CFL1: variants seen among roughly 807,000 people sequenced by gnomAD.
CFL1 encodes the protein cofilin-1.
A neutral mutation model predicts 16.3 loss-of-function variants in CFL1; 2 were observed. The observed-to-expected ratio is 0.12, with a 90% CI of 0.05 to 0.39. The LOEUF (loss-of-function observed/expected upper bound fraction) is 0.39, where lower values mean the gene tolerates loss of function less well. Ranked by LOEUF, CFL1 falls within the 10% of genes least tolerant of loss-of-function variation. CFL1 has a pLI of 0.99. For missense variants in CFL1, 75 were observed against 212.2 expected (o/e 0.35, Z 4.02); for synonymous variants, 111 against 84.4 (o/e 1.31, Z -1.73).
chr11:65,856,471 G>A lies in CFL1; in HGVS notation c.4-229C>T, dbSNP rs963880025. The A allele has an allele frequency of 5.7e-6, 3 of 521,884 alleles. No individual in the cohort carries two copies. In the South Asian group the frequency reaches 7.1e-5, roughly 12 times the overall value. The allele number at this position is 521,884 out of a possible 1,614,324, so 32.3% of individuals were successfully genotyped here. A position where few individuals can be genotyped will look rare whatever the true frequency, so the allele number is the denominator to read the frequency against. ...AACAACCCCTTCCCTCATTTTACAG[G>A]ATAGAAATGCAAAACTCGTGAAAAG... On this transcript the variant is annotated intron_variant, in intron 1 of 3. Coordinates refer to ENST00000308162, the MANE Select transcript of CFL1 (RefSeq NM_005507.3).
chr11:65,855,812 G>A, intron 2 of CFL1, 82 bp from the exon 3 acceptor site: 3 of 1,504,418 alleles, frequency 2.0e-6, no homozygotes. Flanking sequence ...CTGGCAGTGA[G>A]GAGTCTTTTG....
In CFL1 at chr11:65,855,648, C is replaced by T; in HGVS notation, c.388+6G>A. The T allele has an allele frequency of 6.4e-7, 1 of 1,566,290 alleles. No homozygotes were observed. Among genetic ancestry groups the T allele is most frequent in the South Asian group, 1.2e-5 (1 of 82,872 alleles). On this transcript the variant is annotated splice_donor_region_variant and intron_variant, in intron 3 of 3. Transcript: ENST00000308162. The stretch of plus-strand genomic sequence containing the variant: ...AAGGGCACTCAGCACCAATGCTGGC[C>T]CTTACCTGTCAGCTTCTTCTTGATG...
In CFL1 at chr11:65,855,423, G is replaced by A. The variant is rs1859367095; in HGVS notation, c.414C>T (p.Asn138=). ...AGCGGTCCTTGACCTCCTCGTAGCA[G>A]TTTGCTTGCAATTCATGCTTGATCC... ...LTGIKHELQA[N]CYEEVKDRCT... is the part of the protein sequence containing the mutation. Residue 138 remains asparagine, a synonymous_variant, in exon 4 of 4, where the codon AAC becomes AAT. Transcript: ENST00000308162. 2.5e-6 allele frequency: 4 copies of A among 1,613,412 alleles called. No homozygotes were observed. Among genetic ancestry groups the A allele is most frequent in the African/African-American group, 1.3e-5 (1 of 74,888 alleles).
In CFL1 at chr11:65,855,217, T is replaced by C. The variant is rs1436525977; in HGVS notation, c.*119A>G. The stretch of plus-strand genomic sequence containing the variant: ...TGTTTGGCAACTGGGGTGAAGGGAT[T>C]GCCCTCCCCCTGCTGGGATCCCCCC... On this transcript the variant is annotated 3_prime_UTR_variant, in exon 4 of 4. Transcript: ENST00000308162. The C allele has an allele frequency of 6.6e-6, 5 of 754,990 alleles. No homozygotes were observed. The highest frequency in any genetic ancestry group is 2.4e-5 in the Admixed American group (1 of 42,014). 46.8% of individuals were successfully genotyped at this position (754,990 alleles called of 1,614,324 possible). A position where few individuals can be genotyped will look rare whatever the true frequency, so the allele number is the denominator to read the frequency against.
In CFL1 at chr11:65,855,236, T is replaced by G. The variant is rs1270874524; in HGVS notation, c.*100A>C. The G allele has an allele frequency of 2.1e-6, 2 of 941,072 alleles. No individual in the cohort carries two copies. Among genetic ancestry groups the G allele is most frequent in the African/African-American group, 3.3e-5 (2 of 60,812 alleles). 58.3% of individuals were successfully genotyped at this position (941,072 alleles called of 1,614,324 possible). ...AGGGATTGCCCTCCCCCTGCTGGGATCCCCCCAGCCCCTCCGGTCTGGCAG... is the reference window on the plus strand; with the variant it reads ...AGGGATTGCCCTCCCCCTGCTGGGAGCCCCCCAGCCCCTCCGGTCTGGCAG... On this transcript the variant is annotated 3_prime_UTR_variant, in exon 4 of 4. Transcript: ENST00000308162.
At chr11:65,857,361 CG>C in intron 1 of CFL1, 1 of 383,538 alleles carries the variant, frequency 2.6e-6, no homozygotes, top group Middle Eastern at 4.5e-4. Context: ...GCTTCGGCAC[CG>C]GCGGCCGGGC....
chr11:65,856,063 G>C lies in CFL1; in HGVS notation c.183C>G (p.Gly61=), dbSNP rs1859380074. Residue 61 remains glycine (G), a synonymous_variant, in exon 2 of 4, where the codon GGC becomes GGG. Transcript: ENST00000308162. ...TGGCGTAGGGGTCGTCGACAGTCTG[G>C]CCCACATCGCCCACCAGGATCTCCT... ...EGKEILVGDV[G]QTVDDPYATF... 1 of 1,613,972 alleles carries C rather than the reference G, an allele frequency of 6.2e-7. No individual in the cohort carries two copies.
In CFL1 at chr11:65,855,859, G is replaced by A. The variant is rs562409658; in HGVS notation, c.311+76C>T. Reference sequence around the variant, plus strand: ...TCCCCCTCCAAACCCACACATCTGGGTTGACCAGGAGCCACAGAAGTTCCC... The same window carrying A: ...TCCCCCTCCAAACCCACACATCTGGATTGACCAGGAGCCACAGAAGTTCCC... On this transcript the variant is annotated intron_variant, in intron 2 of 3. Coordinates refer to ENST00000308162, the MANE Select transcript of CFL1 (RefSeq NM_005507.3). 274 of 1,549,190 alleles carry A rather than the reference G, an allele frequency of 1.8e-4. 2 individuals carry two copies. In the South Asian group the frequency reaches 2.0e-3, roughly 11 times the overall value.
Position 65,857,467 on chromosome 11 carries a change from G to C in CFL1, c.3+630C>G, listed in dbSNP as rs1473018793. The C allele has an allele frequency of 2.0e-5, 8 of 405,384 alleles. No individual in the cohort carries two copies. In the Admixed American group the frequency reaches 2.0e-4, roughly 10 times the overall value. The allele number at this position is 405,384 out of a possible 1,614,324, so 25.1% of individuals were successfully genotyped here. ...AGCTCGTTAGATGCGCTCCCGAACG[G>C]GCCGCGGTCTCTGCGATGCCCCCTC... is the stretch of plus-strand genomic sequence containing the variant. On this transcript the variant is annotated intron_variant, in intron 1 of 3. Coordinates refer to ENST00000308162, the MANE Select transcript of CFL1 (RefSeq NM_005507.3).
Position 65,855,429 on chromosome 11 carries a change from T to C in CFL1, c.408A>G (p.Gln136=), listed in dbSNP as rs756543435. The part of the protein sequence containing the change: ...KKLTGIKHEL[Q]ANCYEEVKDR... ...CCTTGACCTCCTCGTAGCAGTTTGC[T>C]TGCAATTCATGCTTGATCCCTATAA... The change falls in exon 4 of 4, where the codon CAA becomes CAG. Residue 136 remains glutamine, a synonymous_variant. Coordinates refer to ENST00000308162, the MANE Select transcript of CFL1 (RefSeq NM_005507.3). 84 of 1,613,500 alleles carry C rather than the reference T, an allele frequency of 5.2e-5. No individual in the cohort carries two copies. The highest frequency in any genetic ancestry group is 2.5e-4 in the Admixed American group (15 of 60,020).
Position 65,855,288 on chromosome 11 carries a change from G to A in CFL1, c.*48C>T, listed in dbSNP as rs1439434358. ...AAGGGGGCAGCCTGCAACCCCCAAGGGCAGGTGTGGGGCTGCCAGATGCTC... is the reference window on the plus strand; with the variant it reads ...AAGGGGGCAGCCTGCAACCCCCAAGAGCAGGTGTGGGGCTGCCAGATGCTC... On this transcript the variant is annotated 3_prime_UTR_variant, in exon 4 of 4. Transcript: ENST00000308162. The A allele has an allele frequency of 6.6e-7, 1 of 1,507,540 alleles. No homozygotes were observed. The highest frequency in any genetic ancestry group is 9.2e-7 in the Non-Finnish European group (1 of 1,085,982). The allele number at this position is 1,507,540 out of a possible 1,614,324, so 93.4% of individuals were successfully genotyped here.
chr11:65,857,720 G>A (rs7947929), intron 1 of CFL1: 84,703 of 165,728 alleles, frequency 0.51, 25,409 homozygotes, highest in Non-Finnish European at 0.67. Flanking sequence ...TTTCCTCGCC[G>A]CCCCCGGGCC....
chr11:65,858,152 C>T lies in CFL1; in HGVS notation c.-53G>A, dbSNP rs901867545. 3 of 1,512,780 alleles carry T rather than the reference C, an allele frequency of 2.0e-6. No individual in the cohort carries two copies. Among genetic ancestry groups the T allele is most frequent in the Non-Finnish European group, 1.8e-6 (2 of 1,129,580 alleles). The allele number at this position is 1,512,780 out of a possible 1,614,324, so 93.7% of individuals were successfully genotyped here. On this transcript the variant is annotated 5_prime_UTR_variant, in exon 1 of 4. Coordinates refer to ENST00000308162, the MANE Select transcript of CFL1 (RefSeq NM_005507.3). Reference sequence around the variant, plus strand: ...CCGAGAGCCGCAGAAGACGAGAGCGCTGCAGCCGCTGCCGGGACCCGACTG... The same window carrying T: ...CCGAGAGCCGCAGAAGACGAGAGCGTTGCAGCCGCTGCCGGGACCCGACTG...
rs750011467 is a variant in CFL1, at chr11:65,855,634, G to A, written c.388+20C>T. The A allele has an allele frequency of 1.3e-6, 2 of 1,561,904 alleles. No homozygotes were observed. Among genetic ancestry groups the A allele is most frequent in the Admixed American group, 1.9e-5 (1 of 53,598 alleles). On this transcript the variant is annotated intron_variant, in intron 3 of 3. Coordinates refer to ENST00000308162, the MANE Select transcript of CFL1 (RefSeq NM_005507.3). ...CAAGGCCAGAGCAGAAGGGCACTCA[G>A]CACCAATGCTGGCCCTTACCTGTCA...
chr11:65,857,972 T>A, intron 1 of CFL1, 125 bp downstream of exon 1: 1 of 1,059,968 alleles, frequency 9.4e-7, no homozygotes, highest in South Asian at 1.7e-5. Flanking sequence ...CGCCCCTTCG[T>A]GCGAGACCCT....
At chr11:65,858,046 A>C in intron 1 of CFL1, 51 bp downstream of exon 1, 1 of 1,515,126 alleles carries the variant, frequency 6.6e-7, no homozygotes, top group Non-Finnish European at 8.8e-7. Flanking sequence ...TCCCGCGCGC[A>C]GGCGACCGAC....
Position 65,855,351 on chromosome 11 carries a change from C to T in CFL1, c.486G>A (p.Glu162=), listed in dbSNP as rs773140553. Residue 162 remains glutamate, a synonymous_variant, in exon 4 of 4, where the codon GAG becomes GAA. Coordinates refer to ENST00000308162, the MANE Select transcript of CFL1 (RefSeq NM_005507.3). ...CAGAAGGGGCTCACAAAGGCTTGCC[C>T]TCCAGGGAGATGACGGCACTGCCCC... ...KLGGSAVISL[E]GKPL 8.1e-6 allele frequency: 13 copies of T among 1,611,586 alleles called. No individual in the cohort carries two copies. The highest frequency in any genetic ancestry group is 9.3e-6 in the Non-Finnish European group (11 of 1,179,786).
intron 1 of CFL1, chr11:65,857,833 T>C (rs1268379927): frequency 7.5e-6 from 2 of 266,016 alleles, no homozygotes; most frequent in East Asian, 6.7e-5. Flanking sequence ...CCCGAACCCC[T>C]CCCCCCGCGG....
At chr11:65,857,914 C>T (rs967365554) in intron 1 of CFL1, 183 bp downstream of exon 1, 5 of 459,686 alleles carry the variant, frequency 1.1e-5, no homozygotes, top group South Asian at 1.0e-4. Flanking sequence ...ACGTCCAGAC[C>T]GGCCCTCCCC....
Sources: allele counts gnomAD v4.1 joint callset, GRCh38; gene constraint gnomAD v4.1.1; transcripts MANE v1.5; gene names NCBI Gene and HGNC (gene_info 2026-07-23, HGNC 2026-07-21).